Variants in SLC19A1 observed in about 807,000 individuals in gnomAD.
The protein encoded by SLC19A1 is solute carrier family 19 member 1.
Under a neutral mutation model 35.3 loss-of-function variants are expected in SLC19A1, and 37 were observed. The ratio of observed to expected loss-of-function variants is 1.05; its 90% confidence interval spans 0.81 to 1.38. The LOEUF (loss-of-function observed/expected upper bound fraction) is 1.38. Ranked by LOEUF, SLC19A1 falls within the 40% of genes most tolerant of loss-of-function variation. The probability of loss-of-function intolerance (pLI) is 0.00; values close to 1 mark genes in which losing one functional copy is unlikely to be tolerated. For missense variants in SLC19A1, 831 were observed against 826.9 expected (o/e 1.00, Z -0.06); for synonymous variants, 460 against 398.5 (o/e 1.15, Z -1.84).
At chr21:45,557,747 C>T (rs971458140) in intron 1 of SLC19A1, among the ~76,000 whole-genome samples, 7 of 152,278 alleles carry the variant, frequency 4.6e-5, no homozygotes, top group East Asian at 1.9e-4. Context: ...TGGTGACTCT[C>T]GGGGATGCTA....
chr21:45,504,132 C>T (rs2037037300), intron 3 of SLC19A1: 19 of 1,502,338 alleles, frequency 1.3e-5, no homozygotes, highest in Non-Finnish European at 1.7e-5. Context: ...AATTTCTCGC[C>T]CCATCCGGCC....
upstream of SLC19A1, among the ~76,000 whole-genome samples, chr21:45,544,877 G>T (rs1417859775): frequency 3.3e-5 from 5 of 152,192 alleles, no homozygotes; most frequent in Admixed American, 2.0e-4. Flanking sequence ...CTCTGCCAGA[G>T]AATGAGGACC....
At chr21:45,547,617 C>T (rs547997104), upstream of SLC19A1, among the ~76,000 whole-genome samples, 1 of 152,310 alleles carries the variant, frequency 6.6e-6, no homozygotes. Context: ...TTGCCAATCC[C>T]GACATGTTTA....
chr21:45,511,437 G>A (rs1299153629), downstream of SLC19A1, among the ~76,000 whole-genome samples: 1 of 152,238 alleles, frequency 6.6e-6, no homozygotes, highest in Admixed American at 6.5e-5. Context: ...CCAGGTAGTT[G>A]TAAGAAGGCC....
rs1452110458 is a variant in SLC19A1, at chr21:45,505,905, T to C, written c.498-7293A>G. On this transcript the variant is annotated intron_variant, in intron 3 of 4. Transcript: ENST00000417954. ...CACGAGGTTCCCGAGGGCTGGCTCA[T>C]CTTCGTGGCCGAGCAGGAGGAGCTC... is the stretch of plus-strand genomic sequence containing the variant. 2 of 1,612,732 alleles carry C rather than the reference T, an allele frequency of 1.2e-6. No individual in the cohort carries two copies. The highest frequency in any genetic ancestry group is 2.2e-5 in the South Asian group (2 of 91,084).
intron 5 of SLC19A1, among the ~76,000 whole-genome samples, chr21:45,519,594 A>C (rs904979959): frequency 1.5e-5 from 2 of 136,516 alleles, no homozygotes; most frequent in South Asian, 2.3e-4. Context: ...AAAAAAAAAA[A>C]GACCAGGGAC....
At position 45,505,380 on chromosome 21, in the gene SLC19A1, GGGCCCCCCT is replaced by G. The variant is rs1568942958; in HGVS notation, c.498-6777_498-6769del. 6.3e-7 allele frequency: 1 copy of G among 1,585,842 alleles called. No individual in the cohort carries two copies. Among genetic ancestry groups the G allele is most frequent in the Non-Finnish European group, 8.6e-7 (1 of 1,158,828 alleles). On this transcript the variant is annotated intron_variant, in intron 3 of 4. Coordinates refer to the SLC19A1 transcript ENST00000417954. Reference sequence around the variant, plus strand: ...CAGCTATCAGCGTTCCCGGCCCTCCGGGCCCCCCTGGGCCCCCTGGGCCCCCTGGAACCA... The same window carrying G: ...CAGCTATCAGCGTTCCCGGCCCTCCGGGGCCCCCTGGGCCCCCTGGAACCA...
chr21:45,559,461 C>T (rs143175563), intron 1 of SLC19A1, among the ~76,000 whole-genome samples: 58 of 152,328 alleles, frequency 3.8e-4, no homozygotes, highest in Middle Eastern at 6.8e-3. Flanking sequence ...CCGGAGACCA[C>T]GGGAAGGCCA....
downstream of SLC19A1, among the ~76,000 whole-genome samples, chr21:45,509,774 G>C (rs1025338310): frequency 1.3e-5 from 2 of 152,196 alleles, no homozygotes; most frequent in Non-Finnish European, 1.5e-5. Flanking sequence ...CTTGCCCTCT[G>C]GTGGCCAAGC....
At chr21:45,552,813 C>T (rs781682493) in intron 1 of SLC19A1, among the ~76,000 whole-genome samples, 12 of 151,914 alleles carry the variant, frequency 7.9e-5, no homozygotes, top group South Asian at 2.1e-4. Context: ...CTGGTCCGCC[C>T]GTCCACCCTG....
At chr21:45,536,538 G>A (rs2078118033) in intron 2 of SLC19A1, 1 of 153,378 alleles carries the variant, frequency 6.5e-6, no homozygotes, top group Non-Finnish European at 1.5e-5. Context: ...CCTAGAAAGT[G>A]ACCCAGCCTG....
chr21:45,537,719 T>TGGGGGGGGCCCCCCCCCCCC, intron 2 of SLC19A1, 52 bp downstream of exon 2: 3 of 319,776 alleles, frequency 9.4e-6, no homozygotes, highest in Non-Finnish European at 1.7e-5. Flanking sequence ...CAGACGCTGC[T>TGGGGGGGGCCCCCCCCCCCC]CCCCGCCCAC....
At chr21:45,504,669 A>G in intron 3 of SLC19A1, 1 of 900,522 alleles carries the variant, frequency 1.1e-6, no homozygotes, top group East Asian at 2.7e-5. Flanking sequence ...TGCCCCTGCA[A>G]GCTCAGCAGC....
chr21:45,505,903 C>T lies in SLC19A1; in HGVS notation c.498-7291G>A, dbSNP rs764656377. ...TGCACGAGGTTCCCGAGGGCTGGCT[C>T]ATCTTCGTGGCCGAGCAGGAGGAGC... On this transcript the variant is annotated intron_variant, in intron 3 of 4. Coordinates refer to the SLC19A1 transcript ENST00000417954. 17 of 1,612,948 alleles carry T rather than the reference C, an allele frequency of 1.1e-5. No homozygotes were observed. Among genetic ancestry groups the T allele is most frequent in the African/African-American group, 4.0e-5 (3 of 74,932 alleles).
In SLC19A1 at chr21:45,533,447, G is replaced by A. The variant is rs902125399; in HGVS notation, c.190-1299C>T. 2.0e-5 allele frequency among the ~76,000 whole-genome samples: 3 copies of A among 152,176 alleles called. No individual in the cohort carries two copies. Among genetic ancestry groups the A allele is most frequent in the Admixed American group, 1.3e-4 (2 of 15,288 alleles). On this transcript the variant is annotated intron_variant, in intron 2 of 5. Coordinates refer to ENST00000311124, the MANE Select transcript of SLC19A1 (RefSeq NM_194255.4). The surrounding 1 kb of genome is among the most constrained non-coding windows in gnomAD (Gnocchi z 4.5). The stretch of plus-strand genomic sequence containing the variant: ...ACCTGGGCACAGTCCAGAGGAAGAG[G>A]CCCCACCCCTGTGAGGCCAAGCCGC...
At chr21:45,511,750 G>A (rs2037621616), downstream of SLC19A1, among the ~76,000 whole-genome samples, 1 of 152,202 alleles carries the variant, frequency 6.6e-6, no homozygotes, top group South Asian at 2.1e-4. Context: ...CCCCAGCAGT[G>A]CCTGGCCATC....
At chr21:45,519,003 T>C (rs755221166) in intron 5 of SLC19A1, among the ~76,000 whole-genome samples, 34 of 152,208 alleles carry the variant, frequency 2.2e-4, no homozygotes, top group Non-Finnish European at 3.5e-4. Flanking sequence ...TCCTAAAATA[T>C]GTTTGATGAT....
At chr21:45,537,383 G>A (rs1315909867) in intron 2 of SLC19A1, among the ~76,000 whole-genome samples, 1 of 152,172 alleles carries the variant, frequency 6.6e-6, no homozygotes, top group Admixed American at 6.5e-5. Flanking sequence ...AAAGCGCCCT[G>A]GCCCCTGAAG....
At chr21:45,541,469 C>T (rs2078301340) in intron 1 of SLC19A1, among the ~76,000 whole-genome samples, 1 of 152,274 alleles carries the variant, frequency 6.6e-6, no homozygotes, top group Non-Finnish European at 1.5e-5. Flanking sequence ...CCTCTGGATG[C>T]ATTCTGGATT....
Sources: gnomAD v4.1 joint callset for allele counts (sites outside exome capture counted in the v4.1 genomes callset) on GRCh38, gnomAD v4.1.1 for gene constraint, Gnocchi (gnomAD v3.1) non-coding constraint, MANE v1.5 for transcripts, NCBI Gene and HGNC (gene_info 2026-07-23, HGNC 2026-07-21) for gene names.